The following DEPDC5 variants were observed in gnomAD, a reference collection of about 807,000 sequenced individuals.
DEPDC5 encodes DEP domain containing 5, GATOR1 subcomplex subunit.
In DEPDC5, 73 loss-of-function variants were observed where a neutral mutation model predicts 217.3. That is an observed-to-expected ratio of 0.34 (90% CI 0.28 to 0.41). The LOEUF (loss-of-function observed/expected upper bound fraction) is 0.41, where lower values mean the gene tolerates loss of function less well. Ranked by LOEUF, DEPDC5 falls within the 10% of genes least tolerant of loss-of-function variation. DEPDC5 has a pLI of 1.00. For synonymous variants in DEPDC5, 733 were observed against 756.7 expected, an observed-to-expected ratio of 0.97 and a Z score of 0.51; for missense variants, 1,675 against 2,070.1, an observed-to-expected ratio of 0.81 and a Z score of 3.70.
At position 31,857,458 on chromosome 22, in the gene DEPDC5, C is replaced by G. The variant is rs1602471069; in HGVS notation, c.3169C>G (p.Gln1057Glu). The G allele has an allele frequency of 1.4e-5, 23 of 1,607,810 alleles. No individual in the cohort carries two copies. Among genetic ancestry groups the G allele is most frequent in the Non-Finnish European group, 1.5e-5 (18 of 1,177,276 alleles). ...TCCTCCTTTCAGGTGCCTGGGAGAA[C>G]AGCAGGCAGCTGTGCATGGTGGGAA... ...MEASQKCLGE[Q>E]QAAVHGGKSS... The change falls in exon 32 of 43, where the codon CAG becomes GAG. Residue 1057 changes from glutamine (Q) to glutamate (E), a missense_variant. Physicochemically the swap from Gln to Glu is conservative, Grantham distance 29. Coordinates refer to ENST00000651528, the MANE Select transcript of DEPDC5 (RefSeq NM_001242896.3).
chr22:31,786,210 T>G (rs1037236428), intron 10 of DEPDC5, among the ~76,000 whole-genome samples: 1 of 149,762 alleles, frequency 6.7e-6, no homozygotes, highest in Non-Finnish European at 1.5e-5. Flanking sequence ...GAGCCAAGAT[T>G]ATGCCACCGT....
chr22:31,788,866 G>A (rs1171875086), intron 10 of DEPDC5, among the ~76,000 whole-genome samples: 3 of 149,952 alleles, frequency 2.0e-5, no homozygotes, highest in Non-Finnish European at 4.4e-5. Context: ...GTGAGCCTCC[G>A]CGACTGGGCC....
At chr22:31,870,496 T>A in intron 33 of DEPDC5, 94 bp from the exon 34 acceptor site, 1 of 1,296,734 alleles carries the variant, frequency 7.7e-7, no homozygotes, top group East Asian at 2.8e-5. Flanking sequence ...TTTTTGTGAA[T>A]GCTTACTGAG....
intron 33 of DEPDC5, among the ~76,000 whole-genome samples, chr22:31,864,466 C>A (rs886776775): frequency 2.8e-5 from 4 of 143,034 alleles, no homozygotes; most frequent in Admixed American, 7.2e-5. Context: ...GTGTTAGGCA[C>A]ATGAATTAAC....
chr22:31,806,555 TTTTG>T (rs1260456791), intron 18 of DEPDC5, among the ~76,000 whole-genome samples: 4 of 152,246 alleles, frequency 2.6e-5, no homozygotes, highest in Admixed American at 6.5e-5. Flanking sequence ...AGAGTTCATT[TTTTG>T]TTTGTTTGTT....
intron 40 of DEPDC5, among the ~76,000 whole-genome samples, chr22:31,900,753 A>G (rs1359117223): frequency 6.6e-6 from 1 of 151,850 alleles, no homozygotes; most frequent in Non-Finnish European, 1.5e-5. Context: ...AAGAAAAAAA[A>G]AAGTGGGGGT....
intron 31 of DEPDC5, among the ~76,000 whole-genome samples, chr22:31,852,636 G>A (rs144194373): frequency 0.011 from 1,655 of 152,172 alleles, 37 homozygotes; most frequent in African/African-American, 0.038. Flanking sequence ...ACCGAGCCTG[G>A]CTTCTTTTAT....
chr22:31,820,550 G>A (rs968999119), intron 22 of DEPDC5, among the ~76,000 whole-genome samples: 1 of 152,080 alleles, frequency 6.6e-6, no homozygotes, highest in African/African-American at 2.4e-5. Context: ...TAACTGGGGG[G>A]TCATGCCTAA....
Position 31,836,203 on chromosome 22 carries a change from A to T in DEPDC5, c.2171-769A>T, listed in dbSNP as rs577809392. Among the ~76,000 whole-genome samples the T allele has an allele frequency of 1.6e-4, 25 of 152,336 alleles. No homozygotes were observed. The South Asian group carries it at 5.2e-3, about 32-fold the overall frequency. On this transcript the variant is annotated intron_variant, in intron 25 of 42. Transcript: ENST00000651528. ...CATTTCTGGTTTTCACAGCTAGGGG[A>T]TGCCACTGGCATCTAGTGAGTAGAG...
Position 31,754,936 on chromosome 22 carries a change from G to A in DEPDC5, c.15G>A (p.Lys5=). The change falls in exon 2 of 43, where the codon AAG becomes AAA. Residue 5 remains lysine, a synonymous_variant. Transcript: ENST00000651528. Reference sequence around the variant, plus strand: ...AACAGTGCAAGATGAGAACAACAAAGGTCTACAAACTCGTCATCCACAAGA... The same window carrying A: ...AACAGTGCAAGATGAGAACAACAAAAGTCTACAAACTCGTCATCCACAAGA... MRTT[K]VYKLVIHKKG... 6.2e-7 allele frequency: 1 copy of A among 1,614,186 alleles called. No individual in the cohort carries two copies. Among genetic ancestry groups the A allele is most frequent in the South Asian group, 1.1e-5 (1 of 91,090 alleles).
At chr22:31,796,483 A>G (rs981645361) in intron 12 of DEPDC5, among the ~76,000 whole-genome samples, 1 of 152,158 alleles carries the variant, frequency 6.6e-6, no homozygotes, top group African/African-American at 2.4e-5. Flanking sequence ...GCTTTTCACT[A>G]TTCTCAACAG....
At chr22:31,860,292 C>T (rs756251002) in intron 32 of DEPDC5, among the ~76,000 whole-genome samples, 4 of 152,152 alleles carry the variant, frequency 2.6e-5, no homozygotes, top group Non-Finnish European at 2.9e-5. Context: ...TCAGCATCTC[C>T]GCAGCCACAA....
intron 33 of DEPDC5, among the ~76,000 whole-genome samples, chr22:31,864,956 G>T (rs1299778340): frequency 7.1e-6 from 1 of 141,470 alleles, no homozygotes; most frequent in East Asian, 1.9e-4. Context: ...CTCCCAAAGT[G>T]CTGGGATTAC....
At chr22:31,821,082 T>G (rs1861862182) in intron 22 of DEPDC5, among the ~76,000 whole-genome samples, 1 of 152,260 alleles carries the variant, frequency 6.6e-6, no homozygotes, top group African/African-American at 2.4e-5. Flanking sequence ...CTGCCTTTTT[T>G]GCACTTAAAC....
intron 8 of DEPDC5, among the ~76,000 whole-genome samples, chr22:31,780,342 T>C (rs1050766994): frequency 6.6e-6 from 1 of 152,048 alleles, no homozygotes; most frequent in African/African-American, 2.4e-5. Flanking sequence ...GGTGGTGCCA[T>C]TTATGAGATG....
chr22:31,802,124 ATTTTTTTTTTT>A (rs761007210), intron 14 of DEPDC5, among the ~76,000 whole-genome samples: 1 of 126,900 alleles, frequency 7.9e-6, no homozygotes, highest in Non-Finnish European at 1.7e-5. Flanking sequence ...AACAGCATGA[ATTTTTTTTTTT>A]TTTTTTTTTT....
chr22:31,892,852 G>A (rs957201425), intron 38 of DEPDC5, among the ~76,000 whole-genome samples: 2 of 150,634 alleles, frequency 1.3e-5, no homozygotes, highest in African/African-American at 4.9e-5. Flanking sequence ...TTACATTTTA[G>A]GGTTCACTCT....
intron 37 of DEPDC5, among the ~76,000 whole-genome samples, chr22:31,876,530 C>G (rs2092996220): frequency 6.6e-6 from 1 of 152,134 alleles, no homozygotes; most frequent in Non-Finnish European, 1.5e-5. Flanking sequence ...TGAGGAAATT[C>G]CCACACATCA....
At chr22:31,773,840 G>T (rs2083572675) in intron 7 of DEPDC5, among the ~76,000 whole-genome samples, 2 of 152,176 alleles carry the variant, frequency 1.3e-5, no homozygotes, top group Admixed American at 1.3e-4. Flanking sequence ...GGGAGGCCAA[G>T]GTGGGTGGAT....
Sources: gnomAD v4.1 joint callset for allele counts (sites outside exome capture counted in the v4.1 genomes callset) on GRCh38, gnomAD v4.1.1 for gene constraint, MANE v1.5 for transcripts, NCBI Gene and HGNC (gene_info 2026-07-23, HGNC 2026-07-21) for gene names.